PRR5: variants seen among roughly 807,000 people sequenced by gnomAD.
The protein encoded by PRR5 is proline rich 5.
A neutral mutation model predicts 30.6 loss-of-function variants in PRR5; 25 were observed. The observed-to-expected ratio is 0.82, with a 90% CI of 0.60 to 1.14. The LOEUF is 1.14. PRR5 is among the 50% of genes most tolerant of loss of function. PRR5 has a pLI of 0.00. For synonymous variants in PRR5, 286 were observed against 247.1 expected, an observed-to-expected ratio of 1.16 and a Z score of -1.48; for missense variants, 600 against 547.1, an observed-to-expected ratio of 1.10 and a Z score of -0.96.
chr22:44,693,951 A>G (rs1925523126), intron 1 of PRR5, among the ~76,000 whole-genome samples: 1 of 151,938 alleles, frequency 6.6e-6, no homozygotes, highest in South Asian at 2.1e-4. Flanking sequence ...TTATAAGGAC[A>G]TCAGTCACTG....
At chr22:44,735,302 G>A in intron 7 of PRR5, 140 bp downstream of exon 7, 1 of 1,276,464 alleles carries the variant, frequency 7.8e-7, no homozygotes, top group East Asian at 2.6e-5. Context: ...GCAGCCCCCA[G>A]CCTGCCATAT....
upstream of PRR5, among the ~76,000 whole-genome samples, chr22:44,675,763 TTATTA>T (rs1004290188): frequency 8.2e-3 from 32 of 3,910 alleles, no homozygotes; most frequent in Middle Eastern, 0.3. Flanking sequence ...GTTGCTGTTG[TTATTA>T]TTATTATTAT....
chr22:44,724,865 G>A lies in PRR5; in HGVS notation c.216-379G>A, dbSNP rs141233687. Among the ~76,000 whole-genome samples, 14 of 152,350 alleles carry A rather than the reference G, an allele frequency of 9.2e-5. No individual in the cohort carries two copies. In the South Asian group the frequency reaches 1.0e-3, roughly 11 times the overall value. ...CTGCAGGCGGAGAGAGGAGGAGCCC[G>A]TGGCATCCGGGATTTGGACAGGTGG... On this transcript the variant is annotated intron_variant, in intron 2 of 7. Transcript: ENST00000336985.
chr22:44,729,732 G>C (rs558846727), intron 4 of PRR5: 2 of 985,450 alleles, frequency 2.0e-6, no homozygotes, highest in Middle Eastern at 5.2e-4. Flanking sequence ...CTGGCCTCTC[G>C]TCACCGTGTG....
chr22:44,717,647 C>T (rs184389507), intron 2 of PRR5, among the ~76,000 whole-genome samples: 12 of 151,908 alleles, frequency 7.9e-5, no homozygotes, highest in African/African-American at 2.9e-4. Flanking sequence ...TAGCCCTTCA[C>T]GCCTGGCTTC....
intron 4 of PRR5, among the ~76,000 whole-genome samples, chr22:44,727,370 G>T (rs1361901552): frequency 5.9e-5 from 9 of 152,314 alleles, no homozygotes; most frequent in East Asian, 3.9e-4. Context: ...AGTTCCCACG[G>T]ATGCTGCTTT....
chr22:44,702,277 A>T lies in PRR5; in HGVS notation c.-198A>T, dbSNP rs905152522. The T allele has an allele frequency of 5.3e-6, 6 of 1,142,136 alleles. No homozygotes were observed. The highest frequency in any genetic ancestry group is 5.0e-5 in the African/African-American group (3 of 59,698). The allele number at this position is 1,142,136 out of a possible 1,614,324, so 70.8% of individuals were successfully genotyped here. A position where few individuals can be genotyped will look rare whatever the true frequency, so the allele number is the denominator to read the frequency against. On this transcript the variant is annotated 5_prime_UTR_variant, in exon 1 of 8. Coordinates refer to ENST00000336985, the MANE Select transcript of PRR5 (RefSeq NM_181333.4). ...CGCTGAGCCTCTCCGTGCAATGATT[A>T]ACCCGGCGGGGCGGCCGGCGCGGGA...
chr22:44,726,500 C>T, intron 3 of PRR5, 77 bp from the exon 4 acceptor site: 7 of 1,605,622 alleles, frequency 4.4e-6, no homozygotes, highest in South Asian at 2.2e-5. Flanking sequence ...GGTGGATGGA[C>T]TCTCGGGGGC....
At chr22:44,673,797 G>A (rs753756598), upstream of PRR5, among the ~76,000 whole-genome samples, 3 of 152,104 alleles carry the variant, frequency 2.0e-5, no homozygotes, top group South Asian at 4.1e-4. Context: ...TGATGGAGGG[G>A]CCAGGAGATC....
At chr22:44,732,448 A>G (rs1836300151) in intron 6 of PRR5, 57 bp downstream of exon 6, 1 of 1,566,910 alleles carries the variant, frequency 6.4e-7, no homozygotes, top group Non-Finnish European at 8.6e-7. Context: ...AATTGGGCTC[A>G]GGTCCCCACA....
chr22:44,689,973 G>A (rs1396906189), intron 1 of PRR5, among the ~76,000 whole-genome samples: 1 of 152,178 alleles, frequency 6.6e-6, no homozygotes, highest in Non-Finnish European at 1.5e-5. Context: ...TGCTCTAAAA[G>A]GGAACAGGAG....
intron 1 of PRR5, among the ~76,000 whole-genome samples, chr22:44,713,085 T>A (rs1331516966): frequency 6.6e-6 from 1 of 152,060 alleles, no homozygotes; most frequent in African/African-American, 2.4e-5. Context: ...GTCTCTGGGG[T>A]CAGAGCTCAG....
intron 1 of PRR5, among the ~76,000 whole-genome samples, chr22:44,690,627 G>C (rs1414603177): frequency 6.6e-6 from 1 of 152,198 alleles, no homozygotes; most frequent in African/African-American, 2.4e-5. Context: ...GAGGGAATCA[G>C]CCCGAGGTCG....
At chr22:44,729,207 A>G (rs1280185236) in intron 4 of PRR5, 5 of 786,250 alleles carry the variant, frequency 6.4e-6, no homozygotes, top group Non-Finnish European at 7.7e-6. Flanking sequence ...TCCCCGCGCC[A>G]GACACCCTTG....
upstream of PRR5, among the ~76,000 whole-genome samples, chr22:44,697,511 C>G (rs190326755): frequency 3.3e-4 from 50 of 152,370 alleles, 1 homozygote; most frequent in South Asian, 6.2e-3. Flanking sequence ...CCAGGGTGTC[C>G]GGGACTGACC....
chr22:44,697,972 C>A (rs1211962019), upstream of PRR5, among the ~76,000 whole-genome samples: 1 of 152,162 alleles, frequency 6.6e-6, no homozygotes, highest in African/African-American at 2.4e-5. Flanking sequence ...GGCCTGTGTC[C>A]CAGAGATCAT....
At chr22:44,673,205 A>G (rs1432275121), upstream of PRR5, among the ~76,000 whole-genome samples, 1 of 152,234 alleles carries the variant, frequency 6.6e-6, no homozygotes, top group Admixed American at 6.5e-5. Flanking sequence ...GCCCCCACTT[A>G]GTGCCAGAAG....
rs1401427715 is a variant in PRR5 at position 44,691,949 on chromosome 22, G to C, written c.-10-10543G>C. Among the ~76,000 whole-genome samples the C allele has an allele frequency of 6.6e-6, 1 of 152,062 alleles. No homozygotes were observed. The highest frequency in any genetic ancestry group is 1.5e-5 in the Non-Finnish European group (1 of 68,004). On this transcript the variant is annotated intron_variant, in intron 1 of 8. Transcript: ENST00000006251. The surrounding 1 kb of genome is among the most constrained non-coding windows in gnomAD (Gnocchi z 4.4). The stretch of plus-strand genomic sequence containing the variant: ...CGACATCACCTCCACAGTCGGCTCT[G>C]TGGGCTCAATTGATGCCATCAGGAA...
chr22:44,731,720 A>AT lies in PRR5; in HGVS notation c.323-9dup, dbSNP rs768313420. On this transcript the variant is annotated splice_polypyrimidine_tract_variant and intron_variant, in intron 4 of 7. Transcript: ENST00000336985. Reference sequence around the variant, plus strand: ...GTCAGGCCCAGTGGTGATGGCCCCCATGCCCACAGGACAGAAGCTGCTGGA... The same window carrying AT: ...GTCAGGCCCAGTGGTGATGGCCCCCATTGCCCACAGGACAGAAGCTGCTGGA... 1 of 1,613,618 alleles carries AT rather than the reference A, an allele frequency of 6.2e-7. No homozygotes were observed. Among genetic ancestry groups the AT allele is most frequent in the Non-Finnish European group, 8.5e-7 (1 of 1,179,936 alleles).
Sources: allele counts gnomAD v4.1 joint callset (sites outside exome capture counted in the v4.1 genomes callset), GRCh38; gene constraint gnomAD v4.1.1; non-coding constraint Gnocchi (gnomAD v3.1); transcripts MANE v1.5; gene names NCBI Gene and HGNC (gene_info 2026-07-23, HGNC 2026-07-21).